Variants in CAPS2 observed in about 807,000 individuals in gnomAD.
The protein encoded by CAPS2 is calcyphosin-2.
In CAPS2, 98 loss-of-function variants were observed where a neutral mutation model predicts 86.5. The ratio of observed to expected loss-of-function variants is 1.13; its 90% CI spans 0.96 to 1.34. The LOEUF is 1.34. Ranked by LOEUF, CAPS2 falls within the 40% of genes most tolerant of loss-of-function variation. CAPS2 has a pLI of 0.00. For missense variants in CAPS2, 729 were observed against 686.8 expected, an observed-to-expected ratio of 1.06 and a Z score of -0.69; for synonymous variants, 210 against 225.1, an observed-to-expected ratio of 0.93 and a Z score of 0.60.
intron 14 of CAPS2, among the ~76,000 whole-genome samples, chr12:75,287,771 G>A (rs2035157122): frequency 6.6e-6 from 1 of 152,150 alleles, no homozygotes; most frequent in Non-Finnish European, 1.5e-5. Flanking sequence ...TTTGTGAGCT[G>A]CTCCAGCAAA....
At chr12:75,339,145 A>G (rs1233279758) in intron 1 of CAPS2, among the ~76,000 whole-genome samples, 3 of 152,170 alleles carry the variant, frequency 2.0e-5, no homozygotes, top group African/African-American at 7.2e-5. Flanking sequence ...GTCAAATGGT[A>G]TTTCTGACTC....
At chr12:75,281,200 C>A (rs1344096107) in intron 16 of CAPS2, among the ~76,000 whole-genome samples, 1 of 151,796 alleles carries the variant, frequency 6.6e-6, no homozygotes, top group Non-Finnish European at 1.5e-5. Context: ...AGTCATTTTA[C>A]AATGTAATTT....
intron 14 of CAPS2, among the ~76,000 whole-genome samples, chr12:75,286,422 A>G (rs192447871): frequency 1.3e-5 from 2 of 152,154 alleles, no homozygotes; most frequent in African/African-American, 4.8e-5. Flanking sequence ...GAATTGAAAG[A>G]TACTTCTTAA....
In CAPS2 at chr12:75,350,446, C is replaced by T. The variant is rs561606068; in HGVS notation, c.-394-27224G>A. Among the ~76,000 whole-genome samples the T allele has an allele frequency of 2.2e-4, 33 of 152,268 alleles. No homozygotes were observed. The East Asian group carries it at 5.4e-3, about 25-fold the overall frequency. On this transcript the variant is annotated intron_variant, in intron 1 of 5. Coordinates refer to the CAPS2 transcript ENST00000551829. ...GGCACTGCATACAGGAGCATTCTGG[C>T]GGGCATCAGGTCAATGCCCCTCTGG...
rs2038358145 is a variant in CAPS2 at position 75,305,557 on chromosome 12, C to G, written c.660-681G>C. ...GGTAGGCGTTCCTCCGTCCGCGACC[C>G]TGGCAGAGCCGCAGAGCCCTCCTCC... On this transcript the variant is annotated intron_variant, in intron 7 of 16. Coordinates refer to ENST00000393284, the Ensembl canonical transcript of CAPS2. 1.5e-4 allele frequency: 92 copies of G among 630,192 alleles called. 2 individuals carry two copies. The highest frequency in any genetic ancestry group is 1.3e-3 in the South Asian group (91 of 71,052). The allele number at this position is 630,192 out of a possible 1,614,324, so 39.0% of individuals were successfully genotyped here. A position where few individuals can be genotyped will look rare whatever the true frequency, so the allele number is the denominator to read the frequency against.
intron 8 of CAPS2, among the ~76,000 whole-genome samples, chr12:75,300,620 T>C (rs1476788871): frequency 1.5e-5 from 2 of 130,604 alleles, no homozygotes. Flanking sequence ...TAAGGATGAG[T>C]AAGGGACCTA....
intron 1 of CAPS2, among the ~76,000 whole-genome samples, chr12:75,337,215 T>C (rs2041796355): frequency 6.6e-6 from 1 of 151,734 alleles, no homozygotes; most frequent in South Asian, 2.1e-4. Flanking sequence ...AAGTTTAAAT[T>C]AAGCACAAGA....
chr12:75,351,010 T>C (rs992566455), intron 1 of CAPS2, among the ~76,000 whole-genome samples: 5 of 152,182 alleles, frequency 3.3e-5, no homozygotes, highest in Admixed American at 6.5e-5. Flanking sequence ...ATAAATGAAC[T>C]GATGGAGCTG....
chr12:75,278,083 T>A, exon 17 of CAPS2: 1 of 884,812 alleles, frequency 1.1e-6, no homozygotes, highest in Non-Finnish European at 1.4e-6. Context: ...CTTTGTTTAA[T>A]AAGATAATGT....
chr12:75,287,448 A>T (rs975645447), intron 14 of CAPS2, among the ~76,000 whole-genome samples: 1 of 152,140 alleles, frequency 6.6e-6, no homozygotes, highest in Admixed American at 6.6e-5. Context: ...GAAGAGTCAG[A>T]ACAGGCATTC....
At chr12:75,316,456 G>A (rs778671299) in intron 5 of CAPS2, 22 bp from the exon 6 acceptor site, 1 of 1,524,316 alleles carries the variant, frequency 6.6e-7, no homozygotes, top group Non-Finnish European at 8.8e-7. Context: ...AGAAATAAAT[G>A]AAGCATCATA....
At chr12:75,386,226 T>G (rs1314606885) in intron 1 of CAPS2, among the ~76,000 whole-genome samples, 1 of 152,200 alleles carries the variant, frequency 6.6e-6, no homozygotes, top group African/African-American at 2.4e-5. Context: ...AGAACAAGGT[T>G]GCAGGACTAA....
At chr12:75,352,115 C>A (rs1273553889) in intron 1 of CAPS2, among the ~76,000 whole-genome samples, 1 of 152,154 alleles carries the variant, frequency 6.6e-6, no homozygotes, top group Non-Finnish European at 1.5e-5. Context: ...TGCAAAATAA[C>A]CAGCTAGCAT....
chr12:75,365,061 C>G (rs1242856374), intron 1 of CAPS2: 3 of 152,110 alleles, frequency 2.0e-5, no homozygotes, highest in African/African-American at 7.2e-5. Flanking sequence ...CTAATTATAT[C>G]CCTCAAAACC....
chr12:75,277,724 T>G, exon 17 of CAPS2: 1 of 838,822 alleles, frequency 1.2e-6, no homozygotes, highest in Non-Finnish European at 1.4e-6. Flanking sequence ...AAAGTCATAT[T>G]CTACAAAGTA....
intron 15 of CAPS2, 143 bp downstream of exon 15, chr12:75,284,818 T>C: frequency 1.6e-6 from 1 of 644,712 alleles, no homozygotes; most frequent in South Asian, 2.7e-5. Flanking sequence ...TGTATGCATA[T>C]GGACCTGTTT....
At chr12:75,282,106 G>A (rs2034058540) in intron 16 of CAPS2, 145 bp downstream of exon 16, 2 of 617,004 alleles carry the variant, frequency 3.2e-6, no homozygotes, top group Admixed American at 6.0e-5. Context: ...ATGAAGAAAG[G>A]CAAATAGTTC....
At chr12:75,351,469 C>A (rs555214014) in intron 1 of CAPS2, among the ~76,000 whole-genome samples, 1 of 152,116 alleles carries the variant, frequency 6.6e-6, no homozygotes, top group South Asian at 2.1e-4. Context: ...GGAAGCCCAT[C>A]AGACTAACAG....
intron 1 of CAPS2, among the ~76,000 whole-genome samples, chr12:75,357,124 C>T (rs188741689): frequency 1.8e-4 from 28 of 152,262 alleles, no homozygotes; most frequent in African/African-American, 6.5e-4. Context: ...TAGAATTTTG[C>T]AGCTGCAGTG....
Sources: gnomAD v4.1 joint callset for allele counts (sites outside exome capture counted in the v4.1 genomes callset) on GRCh38, gnomAD v4.1.1 for gene constraint, MANE v1.5 for transcripts, NCBI Gene and HGNC (gene_info 2026-07-23, HGNC 2026-07-21) for gene names.